The following PECAM1 variants were observed in gnomAD, a reference collection of about 807,000 sequenced individuals.
PECAM1 encodes the protein platelet endothelial cell adhesion molecule.
In PECAM1, 8 loss-of-function variants were observed where a neutral mutation model predicts 13.8. The observed-to-expected ratio is 0.58, with a 90% confidence interval of 0.34 to 1.05. The LOEUF is 1.05. Among genes scored for constraint, PECAM1 ranks in the 50% least tolerant of loss-of-function variants. The pLI, the probability that PECAM1 is intolerant of heterozygous loss-of-function variation, is 0.03. For synonymous variants in PECAM1, 136 were observed against 52.6 expected, an observed-to-expected ratio of 2.58 and a Z score of -6.86; for missense variants, 304 against 141.2, an observed-to-expected ratio of 2.15 and a Z score of -5.84.
chr17:64,356,846 T>C (rs1367345950), intron 7 of PECAM1, among the ~76,000 whole-genome samples: 3 of 152,172 alleles, frequency 2.0e-5, no homozygotes, highest in Non-Finnish European at 4.4e-5. Flanking sequence ...TTTCTCCTTT[T>C]TCCTTTATGC....
chr17:64,327,653 A>G (rs1555645933), intron 15 of PECAM1, among the ~76,000 whole-genome samples: 1 of 152,190 alleles, frequency 6.6e-6, no homozygotes, highest in Non-Finnish European at 1.5e-5. Context: ...GTTCTCTTCC[A>G]TGCTATCTGT....
At chr17:64,333,943 C>CAAAAA (rs869179014) in intron 14 of PECAM1, among the ~76,000 whole-genome samples, 5 of 69,602 alleles carry the variant, frequency 7.2e-5, no homozygotes, top group Non-Finnish European at 1.0e-4. Context: ...GACCCTGTCT[C>CAAAAA]AAAAAAAAAA....
At chr17:64,374,770 C>T (rs1332783153) in intron 4 of PECAM1, among the ~76,000 whole-genome samples, 2 of 138,922 alleles carry the variant, frequency 1.4e-5, no homozygotes, top group African/African-American at 5.0e-5. Flanking sequence ...GGCGACAGAG[C>T]GAGACTCTGT....
At position 64,375,257 on chromosome 17, in the gene PECAM1, T is replaced by C. The variant is rs2036330098; in HGVS notation, c.485A>G (p.His162Arg). ...CSVPEEKAPI[H>R]FTIEKLELNE... is the part of the protein sequence containing the mutation. ...TAGTTCAAGTTTTTCAATTGTGAAG[T>C]GTATTGGGGCCTTTTCCTCTGGGAC... is the stretch of plus-strand genomic sequence containing the variant. Residue 162 changes from histidine (H) to arginine (R), a missense_variant, in exon 4 of 16, where the codon CAC becomes CGC. By Grantham distance (29) the His-to-Arg change is conservative. Coordinates refer to ENST00000563924, the MANE Select transcript of PECAM1 (RefSeq NM_000442.5). 2 of 475,228 alleles carry C rather than the reference T, an allele frequency of 4.2e-6. No homozygotes were observed. Among genetic ancestry groups the C allele is most frequent in the Middle Eastern group, 5.9e-4 (1 of 1,682 alleles). The allele number at this position is 475,228 out of a possible 1,614,324, so 29.4% of individuals were successfully genotyped here.
Position 64,356,294 on chromosome 17 carries a change from T to C in PECAM1, c.1597A>G (p.Thr533Ala). Residue 533 changes from threonine to alanine, a missense_variant, in exon 8 of 16, where the codon ACC (threonine) becomes GCC (alanine). Thr to Ala is a moderately conservative substitution (Grantham distance 58). Transcript: ENST00000563924. ...TCTTTTTCTCTGTAAAACTTATAGGTGATGGGACCAGATCCTTCATTCACA... is the reference window on the plus strand; with the variant it reads ...TCTTTTTCTCTGTAAAACTTATAGGCGATGGGACCAGATCCTTCATTCACA... ...CAVNEGSGPI[T>A]YKFYREKEGK... 1 of 474,736 alleles carries C rather than the reference T, an allele frequency of 2.1e-6. No homozygotes were observed. Among genetic ancestry groups the C allele is most frequent in the African/African-American group, 2.0e-5 (1 of 50,492 alleles). 29.4% of individuals were successfully genotyped at this position (474,736 alleles called of 1,614,324 possible).
chr17:64,364,741 C>T lies in PECAM1; in HGVS notation c.968-1344G>A, dbSNP rs1221205430. On this transcript the variant is annotated intron_variant, in intron 5 of 15. Transcript: ENST00000563924. ...AAAACCACATGATTATCTCAATAGA[C>T]GCAGAAAAGGCCTTTGACAAAATTC... 6.6e-5 allele frequency among the ~76,000 whole-genome samples: 10 copies of T among 151,804 alleles called. No individual in the cohort carries two copies. The East Asian group carries it at 9.7e-4, about 15-fold the overall frequency.
chr17:64,384,398 C>T (rs8066701), intron 2 of PECAM1, among the ~76,000 whole-genome samples: 10,368 of 152,202 alleles, frequency 0.068, 1,181 homozygotes, highest in African/African-American at 0.24. Flanking sequence ...GATGCCCCCC[C>T]CAATGGTCCT....
chr17:64,326,590 C>A (rs1289428859), intron 15 of PECAM1, among the ~76,000 whole-genome samples: 2 of 152,194 alleles, frequency 1.3e-5, no homozygotes, highest in Admixed American at 6.5e-5. Context: ...TGGTGTCCAG[C>A]CTTTCTGTGG....
At chr17:64,349,008 C>G (rs1340490059) in intron 12 of PECAM1, among the ~76,000 whole-genome samples, 1 of 152,116 alleles carries the variant, frequency 6.6e-6, no homozygotes, top group Non-Finnish European at 1.5e-5. Context: ...CAGCAGTTCT[C>G]CCAATTCAGT....
Position 64,374,061 on chromosome 17 carries a change from G to A in PECAM1, c.691+990C>T, listed in dbSNP as rs919585555. 5.9e-5 allele frequency among the ~76,000 whole-genome samples: 9 copies of A among 152,190 alleles called. No homozygotes were observed. The East Asian group carries it at 1.7e-3, about 29-fold the overall frequency. On this transcript the variant is annotated intron_variant, in intron 4 of 15. Transcript: ENST00000563924. ...TTGAACAACAGGAGGCCAAGGCTGA[G>A]GACCTGGCCCCTCTTTCCTCCCGAT...
intron 15 of PECAM1, among the ~76,000 whole-genome samples, chr17:64,326,843 C>G (rs1285178180): frequency 6.6e-6 from 1 of 152,340 alleles, no homozygotes; most frequent in South Asian, 2.1e-4. Context: ...TGCCTTGTAC[C>G]CGGAATATGG....
At chr17:64,372,003 AG>A (rs1427393343) in intron 4 of PECAM1, among the ~76,000 whole-genome samples, 1 of 152,196 alleles carries the variant, frequency 6.6e-6, no homozygotes, top group Non-Finnish European at 1.5e-5. Flanking sequence ...AAAATGTAAT[AG>A]ATGAATAAAC....
chr17:64,345,583 G>GT (rs2035543711), intron 13 of PECAM1, among the ~76,000 whole-genome samples: 9 of 151,866 alleles, frequency 5.9e-5, no homozygotes, highest in Non-Finnish European at 1.2e-4. Context: ...GATGGTGGTG[G>GT]GCGCCTGTAA....
At chr17:64,329,599 G>T in intron 15 of PECAM1, 101 bp downstream of exon 15, 2 of 707,162 alleles carry the variant, frequency 2.8e-6, no homozygotes, top group South Asian at 1.5e-5. Flanking sequence ...ACTAGGGAGC[G>T]GGGAAGAATT....
intron 14 of PECAM1, 128 bp downstream of exon 14, chr17:64,341,506 G>A (rs970239703): frequency 3.5e-5 from 14 of 403,464 alleles, no homozygotes; most frequent in Non-Finnish European, 5.4e-5. Context: ...AGCCCACAGC[G>A]CTGGTGTAAG....
rs2035819970 is a variant in PECAM1 at position 64,355,239 on chromosome 17, T to C, written c.1781-199A>G. On this transcript the variant is annotated intron_variant, in intron 8 of 15. Transcript: ENST00000563924. ...CAGAAATGATTGTTTCTGCTACAAA[T>C]AGAGGTCAGCTGTGGTCCTCAAGGA... Among the ~76,000 whole-genome samples, 3 of 152,298 alleles carry C rather than the reference T, an allele frequency of 2.0e-5. No individual in the cohort carries two copies. In the South Asian group the frequency reaches 6.2e-4, roughly 32 times the overall value.
chr17:64,374,921 A>G lies in PECAM1; in HGVS notation c.691+130T>C, dbSNP rs2143865413. 7.3e-6 allele frequency: 3 copies of G among 410,366 alleles called. No individual in the cohort carries two copies. In the East Asian group the frequency reaches 1.1e-4, roughly 15 times the overall value. The allele number at this position is 410,366 out of a possible 1,614,324, so 25.4% of individuals were successfully genotyped here. On this transcript the variant is annotated intron_variant, in intron 4 of 15. Coordinates refer to ENST00000563924, the MANE Select transcript of PECAM1 (RefSeq NM_000442.5). ...TAACAGTCAAAAAAGCTTGAAAAAT[A>G]CTGGCTTAAAATGATTAAGAACAGG... is the stretch of plus-strand genomic sequence containing the variant.
intron 14 of PECAM1, among the ~76,000 whole-genome samples, chr17:64,340,181 G>C (rs1432683792): frequency 1.3e-5 from 2 of 152,244 alleles, no homozygotes; most frequent in South Asian, 4.1e-4. Context: ...AACACAAACA[G>C]TGCTTCTCAA....
At chr17:64,356,063 T>C in intron 8 of PECAM1, 48 bp downstream of exon 8, 1 of 475,162 alleles carries the variant, frequency 2.1e-6, no homozygotes, top group South Asian at 6.7e-5. Context: ...TTTCTGGTCT[T>C]GCCCTTGGGA....
Sources: gnomAD v4.1 joint callset for allele counts (sites outside exome capture counted in the v4.1 genomes callset) on GRCh38, gnomAD v4.1.1 for gene constraint, MANE v1.5 for transcripts, NCBI Gene and HGNC (gene_info 2026-07-23, HGNC 2026-07-21) for gene names.